Variants in UPP2 observed in about 807,000 individuals in gnomAD.
UPP2 encodes UPase 2.
UPP2 carries 23 observed loss-of-function variants against 26.7 expected under a neutral mutation model. That is an observed-to-expected ratio of 0.86 (90% CI 0.62 to 1.22). UPP2 has a LOEUF of 1.22. UPP2 is among the 50% of genes most tolerant of loss of function. UPP2 has a pLI of 0.00. For synonymous variants in UPP2, 127 were observed against 141.3 expected, an observed-to-expected ratio of 0.90 and a Z score of 0.72; for missense variants, 387 against 396.7, an observed-to-expected ratio of 0.98 and a Z score of 0.21.
At chr2:158,102,296 A>C (rs922825356) in intron 1 of UPP2, among the ~76,000 whole-genome samples, 171 bp downstream of exon 1, 1 of 152,208 alleles carries the variant, frequency 6.6e-6, no homozygotes, top group Non-Finnish European at 1.5e-5. Context: ...ATGTATTTTC[A>C]ATGACATTTT....
intron 3 of UPP2, among the ~76,000 whole-genome samples, chr2:158,077,009 A>G (rs1682640996): frequency 6.6e-6 from 1 of 152,146 alleles, no homozygotes; most frequent in Admixed American, 6.5e-5. Flanking sequence ...AATCAGTAGC[A>G]TTTCTATATG....
intron 6 of UPP2, among the ~76,000 whole-genome samples, chr2:158,127,193 C>T (rs763452919): frequency 3.3e-5 from 5 of 152,206 alleles, no homozygotes; most frequent in Non-Finnish European, 7.3e-5. Context: ...AAAAGTCTTG[C>T]ATGACTACCT....
chr2:158,073,165 T>C (rs1046550083), intron 3 of UPP2, among the ~76,000 whole-genome samples: 3 of 152,116 alleles, frequency 2.0e-5, no homozygotes, highest in African/African-American at 7.2e-5. Context: ...GCTGAAACTC[T>C]GGAGCTGAAA....
chr2:158,034,247 G>A (rs1042479805), intron 3 of UPP2, among the ~76,000 whole-genome samples: 6 of 152,078 alleles, frequency 3.9e-5, no homozygotes, highest in Non-Finnish European at 8.8e-5. Context: ...AGCTGCCTGG[G>A]GACTCTCAAG....
intron 2 of UPP2, among the ~76,000 whole-genome samples, chr2:158,015,345 T>A (rs894725309): frequency 6.6e-6 from 1 of 152,244 alleles, no homozygotes; most frequent in East Asian, 1.9e-4. Context: ...TTGATCTTTT[T>A]TTGTGACTGG....
chr2:158,068,765 A>AATACATATATAT (rs1682477832), intron 3 of UPP2, among the ~76,000 whole-genome samples: 4 of 31,700 alleles, frequency 1.3e-4, no homozygotes, highest in Non-Finnish European at 4.9e-5. Flanking sequence ...TTCAAATTCA[A>AATACATATATAT]ATATATATAT....
chr2:158,136,000 C>T lies in UPP2; in HGVS notation c.*1110C>T, dbSNP rs1159143227. Reference sequence around the variant, plus strand: ...TATTTGGATCCCAGAGCCATTGTCACACATGACCGAATGGAGGCTTGGGGC... The same window carrying T: ...TATTTGGATCCCAGAGCCATTGTCATACATGACCGAATGGAGGCTTGGGGC... On this transcript the variant is annotated 3_prime_UTR_variant, in exon 7 of 7. Coordinates refer to ENST00000005756, the MANE Select transcript of UPP2 (RefSeq NM_173355.4). The T allele has an allele frequency of 6.6e-6, 1 of 152,184 alleles. No homozygotes were observed. The highest frequency in any genetic ancestry group is 6.5e-5 in the Admixed American group (1 of 15,288). 9.4% of individuals were successfully genotyped at this position (152,184 alleles called of 1,614,324 possible).
chr2:158,061,106 G>C (rs1558918210), intron 3 of UPP2, among the ~76,000 whole-genome samples: 1 of 152,160 alleles, frequency 6.6e-6, no homozygotes, highest in African/African-American at 2.4e-5. Context: ...ATGTGATCAG[G>C]CTAACTATGT....
chr2:158,102,090 T>C lies in UPP2; in HGVS notation c.27T>C (p.Asn9=), dbSNP rs766701527. 5.1e-5 allele frequency: 83 copies of C among 1,613,472 alleles called. 1 individual carries two copies. Among genetic ancestry groups the C allele is most frequent in the Middle Eastern group, 1.6e-4 (1 of 6,080 alleles). Reference sequence around the variant, plus strand: ...TGGCTTCAGTTATACCTGCCTCCAATAGGTCCATGAGATCTGACAGGAATA... The same window carrying C: ...TGGCTTCAGTTATACCTGCCTCCAACAGGTCCATGAGATCTGACAGGAATA... The part of the protein sequence containing the change: MASVIPAS[N]RSMRSDRNTY... The change falls in exon 1 of 7, where the codon AAT becomes AAC. Residue 9 remains asparagine, a synonymous_variant. Coordinates refer to ENST00000005756, the MANE Select transcript of UPP2 (RefSeq NM_173355.4).
intron 2 of UPP2, among the ~76,000 whole-genome samples, chr2:157,999,167 G>A (rs1280663116): frequency 6.8e-6 from 1 of 146,598 alleles, no homozygotes; most frequent in Non-Finnish European, 1.5e-5. Context: ...GGGTCTTTTT[G>A]TTGTTGTTGT....
chr2:158,121,382 C>T lies in UPP2; in HGVS notation c.455-27C>T, dbSNP rs754019477. On this transcript the variant is annotated intron_variant, in intron 4 of 6. Coordinates refer to ENST00000005756, the MANE Select transcript of UPP2 (RefSeq NM_173355.4). ...AAAGTAAACTCTAAACGATATTCTT[C>T]TGTAATCATTTATTCCCACATTGCA... is the stretch of plus-strand genomic sequence containing the variant. The T allele has an allele frequency of 8.8e-6, 14 of 1,582,904 alleles. No individual in the cohort carries two copies. In the Admixed American group the frequency reaches 2.3e-4, roughly 26 times the overall value.
chr2:158,129,748 T>G (rs1683770715), intron 6 of UPP2, among the ~76,000 whole-genome samples: 1 of 150,104 alleles, frequency 6.7e-6, no homozygotes, highest in South Asian at 2.1e-4. Context: ...TTTAAGGAAA[T>G]AGATAGGAAG....
intron 3 of UPP2, among the ~76,000 whole-genome samples, chr2:158,024,086 T>A (rs1001058482): frequency 6.6e-6 from 1 of 152,228 alleles, no homozygotes; most frequent in African/African-American, 2.4e-5. Context: ...TCCCAGGACT[T>A]AGACATTCCA....
intron 3 of UPP2, among the ~76,000 whole-genome samples, chr2:158,077,654 C>T (rs561760269): frequency 2.4e-4 from 36 of 152,254 alleles, no homozygotes; most frequent in African/African-American, 7.7e-4. Context: ...GGATTAAAGA[C>T]TTAAATCGAA....
At chr2:158,096,956 T>C (rs1356601348), upstream of UPP2, among the ~76,000 whole-genome samples, 1 of 152,132 alleles carries the variant, frequency 6.6e-6, no homozygotes, top group African/African-American at 2.4e-5. Flanking sequence ...TGGATAAATC[T>C]TCAACTGTAC....
At chr2:158,111,647 T>G (rs953516737) in intron 2 of UPP2, among the ~76,000 whole-genome samples, 8 of 152,202 alleles carry the variant, frequency 5.3e-5, no homozygotes, top group African/African-American at 1.9e-4. Context: ...TTTCCATTTC[T>G]TTATTCCTCT....
rs145327917 is a variant in UPP2, at chr2:158,072,997, C to T, written c.148-29043C>T. On this transcript the variant is annotated intron_variant, in intron 3 of 9. Transcript: ENST00000605860. ...ACCAAACTAAATAAGGTACCATGGACCAATCCTGGAAAAACAGAGATATGT... is the reference window on the plus strand; with the variant it reads ...ACCAAACTAAATAAGGTACCATGGATCAATCCTGGAAAAACAGAGATATGT... 2.3e-3 allele frequency among the ~76,000 whole-genome samples: 344 copies of T among 152,032 alleles called. 1 individual carries two copies. Among genetic ancestry groups the T allele is most frequent in the Non-Finnish European group, 3.6e-3 (247 of 67,972 alleles).
chr2:158,015,068 A>T (rs1296752938), intron 2 of UPP2, among the ~76,000 whole-genome samples: 1 of 152,232 alleles, frequency 6.6e-6, no homozygotes, highest in Non-Finnish European at 1.5e-5. Flanking sequence ...AAACTAACAG[A>T]TTTAAAATTA....
chr2:158,123,805 T>A lies in UPP2; in HGVS notation c.721T>A (p.Tyr241Asn). ...CTTTTCCAGAGAAAAAAAGTTAGAC[T>A]ACTTGAAGAGAGCATTTAAAGCTGG... is the stretch of plus-strand genomic sequence containing the variant. ...CSFSREKKLD[Y>N]LKRAFKAGVR... The change falls in exon 6 of 7, where the codon TAC becomes AAC. Residue 241 changes from tyrosine (Y) to asparagine (N), a missense_variant. By Grantham distance (143) the Tyr-to-Asn change is moderately radical (BLOSUM62 -2). Transcript: ENST00000005756. 1 of 1,614,044 alleles carries A rather than the reference T, an allele frequency of 6.2e-7. No individual in the cohort carries two copies. The highest frequency in any genetic ancestry group is 8.5e-7 in the Non-Finnish European group (1 of 1,179,938).
Sources: gnomAD v4.1 joint callset for allele counts (sites outside exome capture counted in the v4.1 genomes callset) on GRCh38, gnomAD v4.1.1 for gene constraint, MANE v1.5 for transcripts, NCBI Gene and HGNC (gene_info 2026-07-23, HGNC 2026-07-21) for gene names.